Variants in GMDS observed in about 807,000 individuals in gnomAD.
The protein encoded by GMDS is GDP-mannose 4,6-dehydratase.
Under a neutral mutation model 49.9 loss-of-function variants are expected in GMDS, and 20 were observed. The observed-to-expected ratio is 0.40, with a 90% CI of 0.28 to 0.58. GMDS has a LOEUF of 0.58. Among genes scored for constraint, GMDS ranks in the 20% least tolerant of loss-of-function variants. GMDS has a pLI of 0.42. For synonymous variants in GMDS, 177 were observed against 178.6 expected (o/e 0.99, Z 0.07); for missense variants, 362 against 481.4 (o/e 0.75, Z 2.32).
intron 4 of GMDS, among the ~76,000 whole-genome samples, chr6:1,971,059 G>T (rs960809189): frequency 6.6e-6 from 1 of 152,124 alleles, no homozygotes; most frequent in Non-Finnish European, 1.5e-5. Flanking sequence ...AGGGGGCAGT[G>T]ATCATCAGCA....
chr6:2,013,889 C>A (rs1767718933), intron 4 of GMDS, among the ~76,000 whole-genome samples: 1 of 140,404 alleles, frequency 7.1e-6, no homozygotes. Flanking sequence ...AATCAAAAGT[C>A]AAGGAAGCTC....
intron 6 of GMDS, among the ~76,000 whole-genome samples, chr6:1,944,265 G>C (rs1338812584): frequency 6.6e-6 from 1 of 152,142 alleles, no homozygotes; most frequent in East Asian, 1.9e-4. Flanking sequence ...CCAGCACCTT[G>C]GGAGGCCGAG....
chr6:2,221,346 C>T (rs1335074983), intron 1 of GMDS, among the ~76,000 whole-genome samples: 2 of 152,158 alleles, frequency 1.3e-5, no homozygotes, highest in Admixed American at 6.5e-5. Context: ...CTCCCTTAAA[C>T]ACAATATTAC....
chr6:1,944,055 C>T (rs970821416), intron 6 of GMDS, among the ~76,000 whole-genome samples: 7 of 152,202 alleles, frequency 4.6e-5, no homozygotes, highest in Non-Finnish European at 1.0e-4. Flanking sequence ...TTGGGCTTTA[C>T]TTCAGAATTG....
At chr6:2,078,955 T>C (rs1772503379) in intron 4 of GMDS, among the ~76,000 whole-genome samples, 1 of 151,444 alleles carries the variant, frequency 6.6e-6, no homozygotes, top group Non-Finnish European at 1.5e-5. Context: ...TGGACACATA[T>C]ATATTTAGAG....
chr6:2,034,752 T>A (rs987812232), intron 4 of GMDS, among the ~76,000 whole-genome samples: 4 of 152,188 alleles, frequency 2.6e-5, no homozygotes, highest in African/African-American at 9.7e-5. Flanking sequence ...AAACACATCA[T>A]TTGCCTTTTT....
At chr6:2,183,848 C>A (rs1317403531) in intron 1 of GMDS, among the ~76,000 whole-genome samples, 2 of 152,224 alleles carry the variant, frequency 1.3e-5, no homozygotes, top group African/African-American at 4.8e-5. Flanking sequence ...TAGATTACAA[C>A]TCACTGAAGG....
At chr6:1,993,913 G>C (rs1297091111) in intron 4 of GMDS, among the ~76,000 whole-genome samples, 1 of 152,180 alleles carries the variant, frequency 6.6e-6, no homozygotes, top group Non-Finnish European at 1.5e-5. Flanking sequence ...GTGATGAGAG[G>C]TCTCCCACTC....
At chr6:2,013,328 T>C (rs1319837185) in intron 4 of GMDS, among the ~76,000 whole-genome samples, 2 of 152,102 alleles carry the variant, frequency 1.3e-5, no homozygotes, top group Non-Finnish European at 2.9e-5. Flanking sequence ...CAGATTAACA[T>C]AAAACCTCAC....
Position 1,788,509 on chromosome 6 carries a change from G to A in GMDS, c.772-45923C>T, listed in dbSNP as rs1769406402. ...AAGATCTGCCTGGAAATAGTTACAAGAAAGAGGTAGTTTCTGATATTACAC... is the reference window on the plus strand; with the variant it reads ...AAGATCTGCCTGGAAATAGTTACAAAAAAGAGGTAGTTTCTGATATTACAC... On this transcript the variant is annotated intron_variant, in intron 7 of 10. Coordinates refer to ENST00000380815, the MANE Select transcript of GMDS (RefSeq NM_001500.4). 2.6e-5 allele frequency among the ~76,000 whole-genome samples: 4 copies of A among 152,146 alleles called. No individual in the cohort carries two copies. The South Asian group carries it at 8.3e-4, about 32-fold the overall frequency.
chr6:2,177,660 C>T (rs183913865), intron 1 of GMDS, among the ~76,000 whole-genome samples: 3 of 152,122 alleles, frequency 2.0e-5, no homozygotes, highest in Admixed American at 1.3e-4. Flanking sequence ...GTGATAAAAA[C>T]CCTCAAAACA....
Position 1,833,126 on chromosome 6 carries a change from C to CTTT in GMDS, c.772-90543_772-90541dup, listed in dbSNP as rs34633662. 5.7e-5 allele frequency among the ~76,000 whole-genome samples: 7 copies of CTTT among 123,394 alleles called. No individual in the cohort carries two copies. Among genetic ancestry groups the CTTT allele is most frequent in the African/African-American group, 1.5e-4 (5 of 33,540 alleles). The allele number at this position is 123,394 out of a possible 152,430, so 81.0% of individuals were successfully genotyped here. ...ACCCGGCAGTGGAGCGTATGAAAGC[C>CTTT]TTTTTTTTTTTTTTTTTTTTTTTAA... On this transcript the variant is annotated intron_variant, in intron 7 of 10. Transcript: ENST00000380815. This position sits in a 1 kb window ranked among gnomAD's most constrained non-coding sequence, Gnocchi z 4.4.
intron 7 of GMDS, among the ~76,000 whole-genome samples, chr6:1,838,726 T>C (rs1375424069): frequency 4.6e-5 from 7 of 152,240 alleles, no homozygotes; most frequent in African/African-American, 1.7e-4. Flanking sequence ...CAGTATTTTA[T>C]GAGTCATTCT....
At chr6:1,847,786 G>T (rs541383768) in intron 7 of GMDS, among the ~76,000 whole-genome samples, 89 of 152,282 alleles carry the variant, frequency 5.8e-4, no homozygotes, top group African/African-American at 2.0e-3. Context: ...GTTCTACACA[G>T]TGTCTACCCA....
At chr6:1,949,970 A>G (rs963536729) in intron 6 of GMDS, among the ~76,000 whole-genome samples, 5 of 152,232 alleles carry the variant, frequency 3.3e-5, no homozygotes, top group African/African-American at 1.2e-4. Flanking sequence ...CAAACAAAAT[A>G]TTAAGGTATT....
intron 1 of GMDS, among the ~76,000 whole-genome samples, chr6:2,188,176 C>T (rs1414367295): frequency 1.3e-5 from 2 of 152,246 alleles, no homozygotes; most frequent in Non-Finnish European, 2.9e-5. Flanking sequence ...ACAGAGGCTC[C>T]TGCTCTGGAG....
chr6:1,689,701 G>A (rs559500022), intron 9 of GMDS, among the ~76,000 whole-genome samples: 11 of 152,250 alleles, frequency 7.2e-5, no homozygotes, highest in Admixed American at 2.6e-4. Flanking sequence ...CAACAACATT[G>A]TCTACAATTC....
chr6:1,914,120 G>GT (rs1198007340), intron 7 of GMDS, among the ~76,000 whole-genome samples: 13 of 110,268 alleles, frequency 1.2e-4, no homozygotes, highest in African/African-American at 3.8e-4. Flanking sequence ...TCATGAAAGC[G>GT]TTTTTTGTTT....
chr6:2,227,744 G>A (rs1780883045), intron 1 of GMDS, among the ~76,000 whole-genome samples: 1 of 152,188 alleles, frequency 6.6e-6, no homozygotes, highest in Admixed American at 6.5e-5. Context: ...GGTCCCCTGG[G>A]TCACAATAGC....
Sources: allele counts gnomAD v4.1 joint callset (sites outside exome capture counted in the v4.1 genomes callset), GRCh38; gene constraint gnomAD v4.1.1; non-coding constraint Gnocchi (gnomAD v3.1); transcripts MANE v1.5; gene names NCBI Gene and HGNC (gene_info 2026-07-23, HGNC 2026-07-21).